The following C10orf71 variants were observed in gnomAD, a reference collection of about 807,000 sequenced individuals.
C10orf71 encodes chromosome 10 open reading frame 71, also known as cardiac-enriched FHL2-interacting protein.
For synonymous variants in C10orf71, 758 were observed against 726.3 expected (o/e 1.04, Z -0.70); for missense variants, 1,869 against 1,804.5 (o/e 1.04, Z -0.65).
At position 49,326,801 on chromosome 10, in the gene C10orf71, G is replaced by T. The variant is rs772041062; in HGVS notation, c.4256G>T (p.Gly1419Val). 6 of 1,549,736 alleles carry T rather than the reference G, an allele frequency of 3.9e-6. No homozygotes were observed. The South Asian group carries it at 7.1e-5, about 18-fold the overall frequency. ...GAGGGTGTAGAAGCTCCAGGCCTGG[G>T]CATCATCTCCACTGATGACCTAGAG... ...GEEGVEAPGL[G>V]IISTDDLEDF... Residue 1419 changes from glycine (G) to valine (V), a missense_variant, in exon 3 of 3, where the codon GGC becomes GTC. Physicochemically the swap from Gly to Val is moderately radical, Grantham distance 109 (BLOSUM62 -3). Coordinates refer to ENST00000374144, the MANE Select transcript of C10orf71 (RefSeq NM_001135196.2).
chr10:49,325,338 C>T lies in C10orf71; in HGVS notation c.2793C>T (p.Ala931=). ...NTRGTRVKCM[A]NEVMEDPGQG... ...GGGGCACACGTGTGAAGTGCATGGCCAACGAGGTCATGGAGGACCCTGGGC... is the reference window on the plus strand; with the variant it reads ...GGGGCACACGTGTGAAGTGCATGGCTAACGAGGTCATGGAGGACCCTGGGC... Residue 931 remains alanine (A), a synonymous_variant, in exon 3 of 3, where the codon GCC becomes GCT. Coordinates refer to ENST00000374144, the MANE Select transcript of C10orf71 (RefSeq NM_001135196.2). 1 of 1,551,716 alleles carries T rather than the reference C, an allele frequency of 6.4e-7. No homozygotes were observed. The highest frequency in any genetic ancestry group is 8.7e-7 in the Non-Finnish European group (1 of 1,147,014).
At chr10:49,300,342 A>G (rs979989217) in intron 1 of C10orf71, among the ~76,000 whole-genome samples, 7 of 152,058 alleles carry the variant, frequency 4.6e-5, no homozygotes, top group Admixed American at 3.9e-4. Context: ...CTTCTACACT[A>G]TATCAGCAGA....
At chr10:49,312,447 G>C (rs1848931661) in intron 1 of C10orf71, among the ~76,000 whole-genome samples, 1 of 152,254 alleles carries the variant, frequency 6.6e-6, no homozygotes, top group African/African-American at 2.4e-5. Flanking sequence ...GGCAAAGCCA[G>C]CATTTCATCC....
At chr10:49,317,588 T>C (rs1219454438) in intron 2 of C10orf71, among the ~76,000 whole-genome samples, 1 of 152,214 alleles carries the variant, frequency 6.6e-6, no homozygotes, top group Non-Finnish European at 1.5e-5. Context: ...CAGTGGCTTA[T>C]GACTATAATC....
chr10:49,324,778 A>C lies in C10orf71; in HGVS notation c.2233A>C (p.Lys745Gln). 6.4e-7 allele frequency: 1 copy of C among 1,553,116 alleles called. No individual in the cohort carries two copies. The highest frequency in any genetic ancestry group is 8.7e-7 in the Non-Finnish European group (1 of 1,147,516). ...CTTTGCCTCATTTGATGATCAGCAG[A>C]AGATGTGGTTTACTGAGAACCAGCG... ...QSFASFDDQQKMWFTENQRED... is the reference protein window; with the variant it reads ...QSFASFDDQQQMWFTENQRED... The change falls in exon 3 of 3, where the codon AAG (lysine) becomes CAG (glutamine). Residue 745 changes from lysine (K) to glutamine (Q), a missense_variant. Coordinates refer to ENST00000374144, the MANE Select transcript of C10orf71 (RefSeq NM_001135196.2).
chr10:49,309,259 G>GGGAAGTATTCCCATATA (rs1187355462), intron 1 of C10orf71, among the ~76,000 whole-genome samples: 6 of 152,334 alleles, frequency 3.9e-5, no homozygotes, highest in South Asian at 2.1e-4. Context: ...ATTAGGAGAT[G>GGGAAGTATTCCCATATA]GGGCCTATGG....
chr10:49,322,515 C>A lies in C10orf71; in HGVS notation c.-31C>A, dbSNP rs1168284062. On this transcript the variant is annotated 5_prime_UTR_variant, in exon 3 of 3. The change creates a new upstream start codon in the 5' untranslated region. Transcript: ENST00000374144. ...AATCATCACCAGAGACACCTGCCGG[C>A]TGACAAGGACAGCTTTCTTGGAGCC... 2 of 1,559,632 alleles carry A rather than the reference C, an allele frequency of 1.3e-6. No individual in the cohort carries two copies. The highest frequency in any genetic ancestry group is 1.7e-6 in the Non-Finnish European group (2 of 1,149,470).
intron 1 of C10orf71, among the ~76,000 whole-genome samples, chr10:49,306,763 G>T (rs1848820926): frequency 6.6e-6 from 1 of 152,202 alleles, no homozygotes; most frequent in African/African-American, 2.4e-5. Flanking sequence ...AAGCACGGTT[G>T]TACTCAGCAA....
Position 49,326,248 on chromosome 10 carries a change from GT to G in C10orf71, c.3704del (p.Val1235AlafsTer60). The G allele has an allele frequency of 6.4e-7, 1 of 1,550,564 alleles. No homozygotes were observed. Among genetic ancestry groups the G allele is most frequent in the Non-Finnish European group, 8.7e-7 (1 of 1,146,940 alleles). On this transcript the variant is annotated frameshift_variant, in exon 3 of 3. Coordinates refer to ENST00000374144, the MANE Select transcript of C10orf71 (RefSeq NM_001135196.2). LOFTEE classifies it low-confidence loss of function (END_TRUNC). ...GAGGCCCCGACACAATTTCCCCGTG[GT>G]CCGTTCCCTGCCCCCTCCCGTGCAC... ...RERPRHNFPV[V>X]RSLPPPVHRH... is the part of the protein sequence containing the mutation.
chr10:49,303,201 A>G (rs542669072), intron 1 of C10orf71, among the ~76,000 whole-genome samples: 2 of 152,262 alleles, frequency 1.3e-5, no homozygotes, highest in African/African-American at 2.4e-5. Context: ...GGCACCATAC[A>G]GGACTGACCC....
At chr10:49,305,589 C>A (rs545479323) in intron 1 of C10orf71, among the ~76,000 whole-genome samples, 1 of 152,228 alleles carries the variant, frequency 6.6e-6, no homozygotes, top group African/African-American at 2.4e-5. Context: ...TAAAAGGCCC[C>A]ATGCTAGGCA....
chr10:49,326,356 C>T lies in C10orf71; in HGVS notation c.3811C>T (p.Pro1271Ser). The change falls in exon 3 of 3, where the codon CCC becomes TCC. Residue 1271 changes from proline to serine, a missense_variant. Transcript: ENST00000374144. ...GTCCCTCACACCCCTGCCCGCGTACCCCGCCACCCAGAAGGTCCTCCAGGA... is the reference window on the plus strand; with the variant it reads ...GTCCCTCACACCCCTGCCCGCGTACTCCGCCACCCAGAAGGTCCTCCAGGA... ...PQSLTPLPAY[P>S]ATQKVLQDPQ... 1 of 1,550,460 alleles carries T rather than the reference C, an allele frequency of 6.4e-7. No homozygotes were observed.
At chr10:49,313,410 G>A (rs898594018) in intron 1 of C10orf71, among the ~76,000 whole-genome samples, 1 of 152,206 alleles carries the variant, frequency 6.6e-6, no homozygotes, top group African/African-American at 2.4e-5. Context: ...ATGGAGCAAG[G>A]TGTGTTTGGA....
At position 49,325,269 on chromosome 10, in the gene C10orf71, C is replaced by G; in HGVS notation, c.2724C>G (p.Pro908=). 6.4e-7 allele frequency: 1 copy of G among 1,551,722 alleles called. No individual in the cohort carries two copies. The highest frequency in any genetic ancestry group is 8.7e-7 in the Non-Finnish European group (1 of 1,146,996). Residue 908 remains proline (P), a synonymous_variant, in exon 3 of 3, where the codon CCC becomes CCG. Coordinates refer to ENST00000374144, the MANE Select transcript of C10orf71 (RefSeq NM_001135196.2). ...GTGAGGATCCTGGGTTTTGTGCCCC[C>G]GAAAACCAGGACATTCTTGGTACAT... ...EWGEDPGFCA[P]ENQDILGTST...
rs752455364 is a variant in C10orf71 at position 49,322,903 on chromosome 10, A to C, written c.358A>C (p.Thr120Pro). ...EKYPKTSPPP[T>P]PVQRRLEVPV... ...GTACCCCAAAACCAGCCCCCCACCA[A>C]CGCCAGTCCAGAGGAGACTGGAGGT... The change falls in exon 3 of 3, where the codon ACG becomes CCG. Residue 120 changes from threonine to proline, a missense_variant. Physicochemically the swap from Thr to Pro is conservative, Grantham distance 38. Transcript: ENST00000374144. The C allele has an allele frequency of 8.7e-6, 14 of 1,613,666 alleles. No individual in the cohort carries two copies. In the Admixed American group the frequency reaches 1.2e-4, roughly 13 times the overall value.
intron 1 of C10orf71, among the ~76,000 whole-genome samples, chr10:49,303,051 A>T (rs558872694): frequency 1.3e-5 from 2 of 152,044 alleles, no homozygotes; most frequent in Non-Finnish European, 2.9e-5. Flanking sequence ...TGCTCTCCTC[A>T]CTCCACTGTC....
Position 49,326,419 on chromosome 10 carries a change from C to T in C10orf71, c.3874C>T (p.Leu1292Phe). Residue 1292 changes from leucine (L) to phenylalanine (F), a missense_variant, in exon 3 of 3, where the codon CTC becomes TTC. Physicochemically the swap from Leu to Phe is conservative, Grantham distance 22 (BLOSUM62 0). Coordinates refer to ENST00000374144, the MANE Select transcript of C10orf71 (RefSeq NM_001135196.2). Reference sequence around the variant, plus strand: ...GGAGTACTTTGTCTTCGACTTGCCACTCCAGGTGAAAATCAAGACCTTCTA... The same window carrying T: ...GGAGTACTTTGTCTTCGACTTGCCATTCCAGGTGAAAATCAAGACCTTCTA... Reference protein sequence around the residue: ...SGEYFVFDLPLQVKIKTFYDP... With the variant: ...SGEYFVFDLPFQVKIKTFYDP... 1 of 1,550,524 alleles carries T rather than the reference C, an allele frequency of 6.4e-7. No homozygotes were observed. The highest frequency in any genetic ancestry group is 8.7e-7 in the Non-Finnish European group (1 of 1,146,892).
In C10orf71 at chr10:49,325,302, C is replaced by T. The variant is rs1849203670; in HGVS notation, c.2757C>T (p.Pro919=). ...AGGACATTCTTGGTACATCGACACCCACTAACACACGGGGCACACGTGTGA... is the reference window on the plus strand; with the variant it reads ...AGGACATTCTTGGTACATCGACACCTACTAACACACGGGGCACACGTGTGA... ...ENQDILGTST[P]TNTRGTRVKC... Residue 919 remains proline, a synonymous_variant, in exon 3 of 3, where the codon CCC becomes CCT. Coordinates refer to ENST00000374144, the MANE Select transcript of C10orf71 (RefSeq NM_001135196.2). 3.2e-6 allele frequency: 5 copies of T among 1,551,640 alleles called. No individual in the cohort carries two copies. The highest frequency in any genetic ancestry group is 4.4e-6 in the Non-Finnish European group (5 of 1,147,014).
chr10:49,301,468 A>G (rs1368652642), intron 1 of C10orf71, among the ~76,000 whole-genome samples: 1 of 152,200 alleles, frequency 6.6e-6, no homozygotes, highest in Non-Finnish European at 1.5e-5. Flanking sequence ...CGGGAAGGAC[A>G]AGGGATCAGT....
Sources: gnomAD v4.1 joint callset for allele counts (sites outside exome capture counted in the v4.1 genomes callset) on GRCh38, gnomAD v4.1.1 for gene constraint, MANE v1.5 for transcripts, NCBI Gene and HGNC (gene_info 2026-07-23, HGNC 2026-07-21) for gene names.